The following GFM2 variants were observed in gnomAD, a reference collection of about 807,000 sequenced individuals.
GFM2 encodes the protein ribosome-releasing factor 2, mitochondrial.
GFM2 carries 72 observed loss-of-function variants against 95.4 expected under a neutral mutation model. The ratio of observed to expected loss-of-function variants is 0.76; its 90% CI spans 0.62 to 0.92. The LOEUF (loss-of-function observed/expected upper bound fraction) is 0.92. Among genes scored for constraint, GFM2 ranks in the 40% least tolerant of loss-of-function variants. The pLI is 0.00. For missense variants in GFM2, 825 were observed against 924.1 expected (o/e 0.89, Z 1.39); for synonymous variants, 276 against 317.5 (o/e 0.87, Z 1.39).
intron 1 of GFM2, among the ~76,000 whole-genome samples, chr5:74,764,097 T>C (rs184465043): frequency 6.6e-6 from 1 of 152,328 alleles, no homozygotes; most frequent in Admixed American, 6.5e-5. Flanking sequence ...ATGTATAGAA[T>C]TAAGCATAAA....
intron 19 of GFM2, among the ~76,000 whole-genome samples, 161 bp downstream of exon 19, chr5:74,725,479 A>C (rs558072867): frequency 6.6e-6 from 1 of 152,324 alleles, no homozygotes; most frequent in East Asian, 1.9e-4. Context: ...CCTGGTGATT[A>C]AGAAATCAGA....
rs746723863 is a variant in GFM2 at position 74,721,568 on chromosome 5, C to T, written c.*87G>A. ...GAATGTACTGAAACAGTACTTTATT[C>T]GTCCAATAAATAAAGCAATAAAAAT... On this transcript the variant is annotated 3_prime_UTR_variant, in exon 21 of 21. Transcript: ENST00000296805. 2.5e-5 allele frequency: 34 copies of T among 1,336,418 alleles called. No individual in the cohort carries two copies. Among genetic ancestry groups the T allele is most frequent in the African/African-American group, 2.2e-4 (15 of 67,944 alleles). The allele number at this position is 1,336,418 out of a possible 1,614,324, so 82.8% of individuals were successfully genotyped here. A position where few individuals can be genotyped will look rare whatever the true frequency, so the allele number is the denominator to read the frequency against.
intron 19 of GFM2, 67 bp downstream of exon 19, chr5:74,725,573 G>T (rs1750107071): frequency 4.8e-6 from 5 of 1,052,108 alleles, no homozygotes; most frequent in Non-Finnish European, 7.3e-6. Flanking sequence ...ACAGCTGTCT[G>T]CAAGATCAGT....
At chr5:74,732,439 C>A (rs564243130) in intron 16 of GFM2, among the ~76,000 whole-genome samples, 5 of 152,076 alleles carry the variant, frequency 3.3e-5, no homozygotes, top group African/African-American at 1.2e-4. Flanking sequence ...TAAGAAACTC[C>A]TTCTAAAATC....
intron 16 of GFM2, among the ~76,000 whole-genome samples, chr5:74,731,792 T>A (rs1742576216): frequency 6.6e-6 from 1 of 152,136 alleles, no homozygotes; most frequent in Non-Finnish European, 1.5e-5. Flanking sequence ...GAAGAACATA[T>A]GTTTGGGTAA....
intron 7 of GFM2, among the ~76,000 whole-genome samples, chr5:74,748,223 GA>G (rs1452036214): frequency 1.3e-5 from 2 of 152,122 alleles, no homozygotes; most frequent in Non-Finnish European, 2.9e-5. Context: ...CACTTATTTT[GA>G]GGTAAAAGAA....
intron 15 of GFM2, among the ~76,000 whole-genome samples, chr5:74,735,179 A>G (rs750108447): frequency 6.6e-6 from 1 of 152,192 alleles, no homozygotes; most frequent in Non-Finnish European, 1.5e-5. Flanking sequence ...AACTATACTT[A>G]ACTGTCCTCA....
intron 6 of GFM2, 83 bp downstream of exon 6, chr5:74,751,285 A>G (rs1743692039): frequency 1.4e-6 from 2 of 1,412,376 alleles, no homozygotes; most frequent in East Asian, 2.3e-5. Flanking sequence ...TTTTACCACA[A>G]TAAAAAGCAA....
chr5:74,721,238 T>C lies in GFM2; in HGVS notation c.*417A>G. 1 of 1,229,664 alleles carries C rather than the reference T, an allele frequency of 8.1e-7. No individual in the cohort carries two copies. Among genetic ancestry groups the C allele is most frequent in the South Asian group, 1.2e-5 (1 of 82,790 alleles). The allele number at this position is 1,229,664 out of a possible 1,614,324, so 76.2% of individuals were successfully genotyped here. ...CAATCAACTTTATTTTGAAATCATG[T>C]AAAATAAGATATTAGACTGTTTTTT... is the stretch of plus-strand genomic sequence containing the variant. On this transcript the variant is annotated 3_prime_UTR_variant, in exon 21 of 21. Transcript: ENST00000296805.
chr5:74,763,837 TA>T, intron 1 of GFM2, 71 bp from the exon 2 acceptor site: 1 of 834,474 alleles, frequency 1.2e-6, no homozygotes, highest in South Asian at 1.4e-5. Context: ...ATATGTAAGT[TA>T]GACATATGTA....
At chr5:74,753,153 CTG>C (rs1352141262) in intron 5 of GFM2, among the ~76,000 whole-genome samples, 1 of 152,146 alleles carries the variant, frequency 6.6e-6, no homozygotes, top group African/African-American at 2.4e-5. Context: ...CTTAAAAAAA[CTG>C]TTTAAATATT....
chr5:74,761,088 T>A (rs1168479646), intron 2 of GFM2, 102 bp from the exon 3 acceptor site: 11 of 702,212 alleles, frequency 1.6e-5, no homozygotes, highest in Non-Finnish European at 2.2e-5. Context: ...AAATATTTTG[T>A]ATAGCTTTAA....
chr5:74,730,252 CT>C lies in GFM2; in HGVS notation c.1726+7del. The C allele has an allele frequency of 6.3e-7, 1 of 1,595,274 alleles. No individual in the cohort carries two copies. The highest frequency in any genetic ancestry group is 8.5e-7 in the Non-Finnish European group (1 of 1,174,500). ...GAAAAAGCAAATCCTAAATGTTTTA[CT>C]TTTTACCTGTGGCACGAACTGAGTT... On this transcript the variant is annotated splice_region_variant and intron_variant, in intron 17 of 20. Coordinates refer to ENST00000296805, the MANE Select transcript of GFM2 (RefSeq NM_032380.5).
intron 1 of GFM2, among the ~76,000 whole-genome samples, chr5:74,766,140 T>C (rs1401154130): frequency 1.3e-5 from 2 of 152,008 alleles, no homozygotes; most frequent in East Asian, 3.9e-4. Context: ...ACCTCATCTC[T>C]ACAAAAACTA....
intron 5 of GFM2, among the ~76,000 whole-genome samples, chr5:74,752,981 T>C (rs993721028): frequency 1.1e-4 from 17 of 152,148 alleles, no homozygotes; most frequent in African/African-American, 4.1e-4. Flanking sequence ...ACAATTCTGG[T>C]AACATAACAA....
At chr5:74,763,580 C>T (rs1375747651) in intron 2 of GFM2, 100 bp downstream of exon 2, 2 of 637,588 alleles carry the variant, frequency 3.1e-6, no homozygotes, top group African/African-American at 3.6e-5. Context: ...TATGACTCAA[C>T]TAAATTTGGA....
chr5:74,754,089 A>C (rs550409234), intron 5 of GFM2, among the ~76,000 whole-genome samples: 1 of 152,292 alleles, frequency 6.6e-6, no homozygotes, highest in African/African-American at 2.4e-5. Flanking sequence ...ATTATCAACC[A>C]AGAATTTTGT....
intron 5 of GFM2, among the ~76,000 whole-genome samples, chr5:74,754,045 T>C (rs1286814212): frequency 2.6e-5 from 4 of 152,186 alleles, no homozygotes; most frequent in Non-Finnish European, 5.9e-5. Flanking sequence ...CTAGTAGGAA[T>C]TTGGGTCCTA....
At chr5:74,766,551 C>T (rs1744625313) in intron 1 of GFM2, among the ~76,000 whole-genome samples, 1 of 152,146 alleles carries the variant, frequency 6.6e-6, no homozygotes, top group Admixed American at 6.5e-5. Context: ...AATACAAGTC[C>T]ACTCAGCATT....
Sources: gnomAD v4.1 joint callset for allele counts (sites outside exome capture counted in the v4.1 genomes callset) on GRCh38, gnomAD v4.1.1 for gene constraint, MANE v1.5 for transcripts, NCBI Gene and HGNC (gene_info 2026-07-23, HGNC 2026-07-21) for gene names.